The following MCPH1 variants were observed in gnomAD, a reference collection of about 807,000 sequenced individuals.
MCPH1 encodes microcephalin.
In MCPH1, 104 loss-of-function variants were observed where a neutral mutation model predicts 84.5. That is an observed-to-expected ratio of 1.23 (90% CI 1.05 to 1.45). MCPH1 has a LOEUF of 1.45. Ranked by LOEUF, MCPH1 falls within the 40% of genes most tolerant of loss-of-function variation. The pLI, the probability that MCPH1 is intolerant of heterozygous loss-of-function variation, is 0.00. For missense variants in MCPH1, 1,498 were observed against 1,005.7 expected (o/e 1.49, Z -6.62); for synonymous variants, 514 against 366.8 (o/e 1.40, Z -4.58).
At chr8:6,483,788 A>C (rs1809526325) in intron 11 of MCPH1, among the ~76,000 whole-genome samples, 1 of 152,156 alleles carries the variant, frequency 6.6e-6, no homozygotes, top group African/African-American at 2.4e-5. Context: ...TAAACCGGTG[A>C]GATGGAGGTT....
intron 9 of MCPH1, among the ~76,000 whole-genome samples, chr8:6,457,606 A>AAAAT (rs1805838514): frequency 6.6e-6 from 1 of 152,132 alleles, no homozygotes; most frequent in Non-Finnish European, 1.5e-5. Context: ...CTCTGTCTCA[A>AAAAT]AAATAAATAA....
chr8:6,565,195 C>T (rs548192901), intron 12 of MCPH1, among the ~76,000 whole-genome samples: 10 of 152,266 alleles, frequency 6.6e-5, no homozygotes, highest in African/African-American at 2.2e-4. Context: ...CATTTTTTCT[C>T]TGTAGGGTTT....
chr8:6,615,600 A>G (rs1043847363), intron 12 of MCPH1: 3 of 152,248 alleles, frequency 2.0e-5, no homozygotes, highest in African/African-American at 7.2e-5. Context: ...AAGTAGACCA[A>G]TGTAAGCGTT....
At position 6,623,688 on chromosome 8, in the gene MCPH1, C is replaced by CAAAAAA. The variant is rs377522481; in HGVS notation, c.2452+2022_2452+2027dup. On this transcript the variant is annotated intron_variant, in intron 13 of 13. Coordinates refer to ENST00000344683, the MANE Select transcript of MCPH1 (RefSeq NM_024596.5). ...CATCTTTTGCCTGGAAACCAACTTC[C>CAAAAAA]AAAAAAAAAAAAAAAAAAAAAAAAA... Among the ~76,000 whole-genome samples, 76 of 92,420 alleles carry CAAAAAA rather than the reference C, an allele frequency of 8.2e-4. 7 individuals are homozygous for CAAAAAA. The highest frequency in any genetic ancestry group is 2.1e-3 in the African/African-American group (45 of 21,790). 60.6% of individuals were successfully genotyped at this position (92,420 alleles called of 152,430 possible).
chr8:6,470,328 G>A (rs755966240), intron 9 of MCPH1, among the ~76,000 whole-genome samples: 3 of 151,940 alleles, frequency 2.0e-5, no homozygotes, highest in Admixed American at 6.5e-5. Context: ...CTGTCACCCA[G>A]GCTGGAGTGC....
rs147752254 is a variant in MCPH1 at position 6,418,684 on chromosome 8, C to T, written c.233+3801C>T. Among the ~76,000 whole-genome samples the T allele has an allele frequency of 3.2e-3, 494 of 152,186 alleles. 4 individuals are homozygous for T. The highest frequency in any genetic ancestry group is 0.011 in the African/African-American group (456 of 41,534). On this transcript the variant is annotated intron_variant, in intron 3 of 13. Coordinates refer to ENST00000344683, the MANE Select transcript of MCPH1 (RefSeq NM_024596.5). The stretch of plus-strand genomic sequence containing the variant: ...TGCAACCTCCTACTCCCTGGTTCAG[C>T]GATTCTCCTGCCTCAGCCTCCCGAG...
At chr8:6,492,812 T>G (rs1810798277) in intron 11 of MCPH1, among the ~76,000 whole-genome samples, 1 of 151,422 alleles carries the variant, frequency 6.6e-6, no homozygotes, top group Non-Finnish European at 1.5e-5. Flanking sequence ...AAGTAATTAA[T>G]TGATTAACTG....
At chr8:6,422,492 C>G (rs1585652613) in intron 3 of MCPH1, among the ~76,000 whole-genome samples, 1 of 152,122 alleles carries the variant, frequency 6.6e-6, no homozygotes, top group Non-Finnish European at 1.5e-5. Flanking sequence ...TCAGCTAACC[C>G]TACAATGGGG....
At chr8:6,633,413 T>G (rs931957564) in intron 13 of MCPH1, among the ~76,000 whole-genome samples, 1 of 152,108 alleles carries the variant, frequency 6.6e-6, no homozygotes, top group Admixed American at 6.6e-5. Flanking sequence ...ACAGAAAACA[T>G]AGTAAATAAT....
chr8:6,482,314 A>C (rs1809345778), intron 11 of MCPH1, among the ~76,000 whole-genome samples: 1 of 152,198 alleles, frequency 6.6e-6, no homozygotes, highest in Non-Finnish European at 1.5e-5. Flanking sequence ...TTGACCTGTG[A>C]AATTGTGAAG....
At chr8:6,500,081 A>G (rs1811851412) in intron 12 of MCPH1, 152 bp downstream of exon 12, 1 of 692,312 alleles carries the variant, frequency 1.4e-6, no homozygotes, top group Non-Finnish European at 2.6e-6. Context: ...CCTTTTATCA[A>G]TTTATTCGCG....
intron 9 of MCPH1, among the ~76,000 whole-genome samples, chr8:6,476,867 A>C (rs1041694994): frequency 1.3e-5 from 2 of 152,212 alleles, no homozygotes; most frequent in Non-Finnish European, 2.9e-5. Context: ...ATGCATGCAT[A>C]CACATACACA....
intron 12 of MCPH1, among the ~76,000 whole-genome samples, chr8:6,576,680 G>GTT (rs1827135581): frequency 2.8e-5 from 1 of 36,340 alleles, no homozygotes; most frequent in Non-Finnish European, 7.4e-5. Flanking sequence ...GCTAATTTTT[G>GTT]TATTTTTTTT....
intron 12 of MCPH1, chr8:6,503,364 T>G: frequency 8.3e-7 from 1 of 1,204,114 alleles, no homozygotes; most frequent in Non-Finnish European, 1.2e-6. Flanking sequence ...TGCAGGCGTG[T>G]GGAGTAGGCA....
At chr8:6,413,810 A>T (rs1798871785) in intron 2 of MCPH1, among the ~76,000 whole-genome samples, 1 of 150,460 alleles carries the variant, frequency 6.6e-6, no homozygotes, top group South Asian at 2.1e-4. Flanking sequence ...GCTGGAGTGC[A>T]ATGGCACAAT....
chr8:6,439,976 G>A (rs1013485883), intron 6 of MCPH1, among the ~76,000 whole-genome samples: 6 of 152,142 alleles, frequency 3.9e-5, no homozygotes, highest in African/African-American at 1.2e-4. Context: ...AAAAAGATAC[G>A]GGTTTGGTTT....
intron 12 of MCPH1, chr8:6,503,002 G>A: frequency 4.2e-6 from 6 of 1,412,106 alleles, no homozygotes; most frequent in Non-Finnish European, 5.9e-6. Context: ...CACGCCCTCT[G>A]TGGTGGAAGA....
At chr8:6,464,034 G>A (rs1376093639) in intron 9 of MCPH1, among the ~76,000 whole-genome samples, 2 of 152,166 alleles carry the variant, frequency 1.3e-5, no homozygotes, top group African/African-American at 2.4e-5. Flanking sequence ...CACACGTTTA[G>A]GGGAATTGCC....
At chr8:6,499,819 G>C in intron 11 of MCPH1, 33 bp from the exon 12 acceptor site, 1 of 1,598,424 alleles carries the variant, frequency 6.3e-7, no homozygotes, top group Non-Finnish European at 8.6e-7. Flanking sequence ...GCTAATAAAT[G>C]TATAATAAAT....
Sources: allele counts gnomAD v4.1 joint callset (sites outside exome capture counted in the v4.1 genomes callset), GRCh38; gene constraint gnomAD v4.1.1; transcripts MANE v1.5; gene names NCBI Gene and HGNC (gene_info 2026-07-23, HGNC 2026-07-21).